QTMAN: variants seen among roughly 807,000 people sequenced by gnomAD.
The protein encoded by QTMAN is tRNA-queuosine alpha-mannosyltransferase.
the QTMAN span, among the ~76,000 whole-genome samples, chr2:143,993,718 G>A: frequency 6.6e-6 from 1 of 152,168 alleles, no homozygotes; most frequent in Non-Finnish European, 1.5e-5. Flanking sequence ...CTCCAGAACT[G>A]TAAGAGAACA....
chr2:144,188,548 T>C, the QTMAN span, among the ~76,000 whole-genome samples: 5 of 145,594 alleles, frequency 3.4e-5, no homozygotes, highest in East Asian at 4.0e-4. Context: ...GATGGATGGA[T>C]GGACTGATGG....
At chr2:144,260,068 A>G in the QTMAN span, among the ~76,000 whole-genome samples, 1 of 152,178 alleles carries the variant, frequency 6.6e-6, no homozygotes, top group Non-Finnish European at 1.5e-5. Context: ...TAAACTGATG[A>G]GATAATATGT....
chr2:144,141,744 C>T, the QTMAN span: 2 of 593,768 alleles, frequency 3.4e-6, no homozygotes, highest in Non-Finnish European at 6.0e-6. Context: ...TAAATCACAG[C>T]ATGGTGAGAT....
At chr2:144,247,083 G>A in the QTMAN span, among the ~76,000 whole-genome samples, 2 of 152,158 alleles carry the variant, frequency 1.3e-5, no homozygotes, top group African/African-American at 2.4e-5. Flanking sequence ...AAATGTAAGA[G>A]TAAGACAAGA....
the QTMAN span, among the ~76,000 whole-genome samples, chr2:143,995,437 T>G: frequency 2.0e-5 from 3 of 152,312 alleles, no homozygotes; most frequent in South Asian, 2.1e-4. Flanking sequence ...TAAGAATAGC[T>G]AATGTTTAGT....
the QTMAN span, among the ~76,000 whole-genome samples, chr2:144,020,651 TC>T: frequency 6.2e-4 from 94 of 152,008 alleles, 1 homozygote; most frequent in Admixed American, 5.5e-3. Context: ...GTCTGTATGC[TC>T]CCCTAGAGGT....
chr2:144,201,466 A>G, the QTMAN span, among the ~76,000 whole-genome samples: 4 of 152,348 alleles, frequency 2.6e-5, no homozygotes, highest in African/African-American at 4.8e-5. Flanking sequence ...AACCCTGTGC[A>G]TACTCTGGAT....
chr2:144,142,847 G>A, the QTMAN span, among the ~76,000 whole-genome samples: 458 of 152,056 alleles, frequency 3.0e-3, 2 homozygotes, highest in African/African-American at 0.011. Context: ...ATACCAGTCC[G>A]CAACAACAAT....
the QTMAN span, among the ~76,000 whole-genome samples, chr2:144,225,486 C>A: frequency 6.6e-6 from 1 of 152,098 alleles, no homozygotes; most frequent in African/African-American, 2.4e-5. Flanking sequence ...AGAAATAAGA[C>A]CCCTTACAAT....
chr2:144,256,349 T>C, the QTMAN span, among the ~76,000 whole-genome samples: 4 of 152,236 alleles, frequency 2.6e-5, no homozygotes, highest in Non-Finnish European at 5.9e-5. Flanking sequence ...AAGATACTTA[T>C]ACACCAAGCA....
chr2:144,161,779 A>C, the QTMAN span, among the ~76,000 whole-genome samples: 5 of 152,226 alleles, frequency 3.3e-5, no homozygotes, highest in Non-Finnish European at 7.3e-5. Context: ...GAAATATGTA[A>C]AGAAAATCAC....
At chr2:144,253,815 G>C in the QTMAN span, among the ~76,000 whole-genome samples, 1 of 151,684 alleles carries the variant, frequency 6.6e-6, no homozygotes, top group Non-Finnish European at 1.5e-5. Flanking sequence ...AGAAATTTTC[G>C]TAAGTAACAA....
the QTMAN span, among the ~76,000 whole-genome samples, chr2:144,272,767 A>G: frequency 2.0e-5 from 3 of 152,148 alleles, 1 homozygote; most frequent in South Asian, 6.2e-4. Flanking sequence ...GTGTGCAAAT[A>G]CAGGCACAGA....
the QTMAN span, chr2:144,211,656 T>C: frequency 6.6e-6 from 1 of 152,468 alleles, no homozygotes; most frequent in East Asian, 1.9e-4. Flanking sequence ...TCAAACCAAA[T>C]GGCATATAGC....
the QTMAN span, among the ~76,000 whole-genome samples, chr2:143,973,553 G>A: frequency 6.6e-6 from 1 of 152,064 alleles, no homozygotes; most frequent in African/African-American, 2.4e-5. Flanking sequence ...CACTTTGGGA[G>A]GCCGAGACGG....
At chr2:144,165,490 T>C in the QTMAN span, among the ~76,000 whole-genome samples, 1 of 152,186 alleles carries the variant, frequency 6.6e-6, no homozygotes, top group Non-Finnish European at 1.5e-5. Flanking sequence ...GCATATTCAC[T>C]ACCATTATGA....
chr2:144,178,990 T>C, the QTMAN span: 2 of 466,528 alleles, frequency 4.3e-6, no homozygotes, highest in East Asian at 7.0e-5. Flanking sequence ...GAGAAACTCG[T>C]TACTTTCCCA....
chr2:143,997,883 TCTC>T, the QTMAN span, among the ~76,000 whole-genome samples: 1 of 152,046 alleles, frequency 6.6e-6, no homozygotes, highest in African/African-American at 2.4e-5. Context: ...ATGACCTAGT[TCTC>T]CTAATGAGGA....
At chr2:144,191,055 C>T in the QTMAN span, among the ~76,000 whole-genome samples, 2 of 152,182 alleles carry the variant, frequency 1.3e-5, no homozygotes, top group African/African-American at 4.8e-5. Context: ...ATTCCTCAAA[C>T]CAGAGCTTCT....
Sources: allele counts gnomAD v4.1 joint callset (sites outside exome capture counted in the v4.1 genomes callset), GRCh38; gene constraint gnomAD v4.1.1; transcripts MANE v1.5; gene names NCBI Gene and HGNC (gene_info 2026-07-23, HGNC 2026-07-21).